The following CD244 variants were observed in gnomAD, a reference collection of about 807,000 sequenced individuals.
The protein encoded by CD244 is CD244 molecule, also known as natural killer cell receptor 2B4.
In CD244, 20 loss-of-function variants were observed where a neutral mutation model predicts 45.5. That is an observed-to-expected ratio of 0.44 (90% CI 0.31 to 0.64). The LOEUF is 0.64. CD244 is among the 30% of genes least tolerant of loss of function. The pLI is 0.08. For missense variants in CD244, 407 were observed against 426.9 expected, an observed-to-expected ratio of 0.95 and a Z score of 0.41; for synonymous variants, 185 against 160.5, an observed-to-expected ratio of 1.15 and a Z score of -1.15.
intron 1 of CD244, among the ~76,000 whole-genome samples, chr1:160,855,117 G>T (rs1349740234): frequency 6.6e-6 from 1 of 152,234 alleles, no homozygotes. Context: ...AGACTTGTTG[G>T]CAAGGTTGGT....
At chr1:160,835,184 C>A (rs1239342240) in intron 6 of CD244, among the ~76,000 whole-genome samples, 3 of 152,048 alleles carry the variant, frequency 2.0e-5, no homozygotes, top group African/African-American at 7.3e-5. Flanking sequence ...GATGTCCCAG[C>A]CTGGGTTATC....
At chr1:160,852,838 C>T (rs536802956) in intron 1 of CD244, among the ~76,000 whole-genome samples, 2 of 152,102 alleles carry the variant, frequency 1.3e-5, no homozygotes, top group East Asian at 3.9e-4. Flanking sequence ...GCCTGGCCAA[C>T]ATGGTGAAAC....
chr1:160,862,050 C>T (rs1049399935), intron 1 of CD244, among the ~76,000 whole-genome samples: 4 of 152,054 alleles, frequency 2.6e-5, no homozygotes, highest in African/African-American at 7.2e-5. Context: ...ATATTGTCTC[C>T]TTCTTCTGCC....
intron 1 of CD244, among the ~76,000 whole-genome samples, chr1:160,851,620 A>G (rs1235904277): frequency 2.6e-5 from 4 of 152,242 alleles, no homozygotes; most frequent in African/African-American, 4.8e-5. Context: ...TATCTTCTAC[A>G]TCTTGAGATA....
chr1:160,833,042 C>T (rs770851123), intron 7 of CD244, among the ~76,000 whole-genome samples: 15 of 151,912 alleles, frequency 9.9e-5, no homozygotes, highest in Admixed American at 2.0e-4. Context: ...ATCTCTTCAA[C>T]GCATGCATAC....
Position 160,841,229 on chromosome 1 carries a change from G to A in CD244, c.636C>T (p.Asp212=), listed in dbSNP as rs931516684. 3.1e-6 allele frequency: 5 copies of A among 1,614,094 alleles called. No individual in the cohort carries two copies. Among genetic ancestry groups the A allele is most frequent in the African/African-American group, 1.3e-5 (1 of 74,952 alleles). The change falls in exon 3 of 9, where the codon GAC becomes GAT. Residue 212 remains aspartate, a synonymous_variant. Coordinates refer to ENST00000368034, the MANE Select transcript of CD244 (RefSeq NM_016382.4). ...WESHTLNLTQ[D]CQNAHQEFRF... ...ACTTACCCTGATGGGCATTCTGACA[G>A]TCCTGAGTGAGATTCAGGGTGTGGC...
intron 8 of CD244, among the ~76,000 whole-genome samples, 195 bp from the exon 9 acceptor site, chr1:160,831,622 A>G (rs61120573): frequency 0.017 from 2,540 of 152,304 alleles, 69 homozygotes; most frequent in African/African-American, 0.058. Context: ...CTCCAATTCC[A>G]GTACTCTCTT....
At chr1:160,834,280 G>GTT (rs1197794490) in intron 6 of CD244, among the ~76,000 whole-genome samples, 164 bp from the exon 7 acceptor site, 2 of 152,212 alleles carry the variant, frequency 1.3e-5, no homozygotes, top group African/African-American at 4.8e-5. Context: ...CTGAGTGCTA[G>GTT]TCTCGCTCTG....
intron 1 of CD244, among the ~76,000 whole-genome samples, chr1:160,845,446 G>A (rs1346023742): frequency 6.6e-6 from 1 of 152,112 alleles, no homozygotes; most frequent in East Asian, 1.9e-4. Context: ...AAAGCAAGGA[G>A]ACGAGAGAGG....
At position 160,839,006 on chromosome 1, in the gene CD244, G is replaced by A. The variant is rs34984882; in HGVS notation, c.699C>T (p.Ser233=). The A allele has an allele frequency of 6.4e-3, 10,377 of 1,613,840 alleles. 228 individuals are homozygous for A. Among genetic ancestry groups the A allele is most frequent in the East Asian group, 0.059 (2,650 of 44,834 alleles). Residue 233 remains serine (S), a synonymous_variant, in exon 4 of 9, where the codon AGC becomes AGT. Transcript: ENST00000368034. The part of the protein sequence containing the change: ...WPFLVIIVIL[S]ALFLGTLACF... ...AGGCAAGGGTGCCAAGGAACAGTGC[G>A]CTTAGAATCACGATGATCACCAAAA...
rs755283775 is a variant in CD244 at position 160,830,526 on chromosome 1, A to T, written c.*821T>A. On this transcript the variant is annotated 3_prime_UTR_variant, in exon 9 of 9. Coordinates refer to ENST00000368034, the MANE Select transcript of CD244 (RefSeq NM_016382.4). ...CATCAGGACTCAGAACTTAAATAGA[A>T]CATGGTTTCTGAGAGGCCTCTTCCT... The T allele has an allele frequency of 3.3e-5, 5 of 152,338 alleles. No individual in the cohort carries two copies. The highest frequency in any genetic ancestry group is 7.3e-5 in the Non-Finnish European group (5 of 68,038). The allele number at this position is 152,338 out of a possible 1,614,324, so 9.4% of individuals were successfully genotyped here.
At chr1:160,836,882 T>C (rs1669353464) in intron 5 of CD244, among the ~76,000 whole-genome samples, 1 of 152,184 alleles carries the variant, frequency 6.6e-6, no homozygotes. Flanking sequence ...GCAGCAGGGT[T>C]CATTAGGCAA....
At chr1:160,843,168 CT>C (rs905631928) in intron 1 of CD244, among the ~76,000 whole-genome samples, 3 of 152,178 alleles carry the variant, frequency 2.0e-5, no homozygotes, top group African/African-American at 7.2e-5. Context: ...ACTTGTAATA[CT>C]ATTTGTTTGA....
intron 1 of CD244, among the ~76,000 whole-genome samples, chr1:160,854,927 C>G (rs1407685562): frequency 6.6e-6 from 1 of 152,186 alleles, no homozygotes; most frequent in Non-Finnish European, 1.5e-5. Flanking sequence ...AGAAAAGGAG[C>G]AGCTGAAGAA....
intron 7 of CD244, 30 bp downstream of exon 7, chr1:160,834,021 A>G: frequency 6.6e-7 from 1 of 1,524,200 alleles, no homozygotes; most frequent in Non-Finnish European, 9.1e-7. Context: ...CATCAACAAC[A>G]CCCCACCACC....
intron 1 of CD244, among the ~76,000 whole-genome samples, chr1:160,844,668 A>G (rs1669668462): frequency 6.6e-6 from 1 of 152,236 alleles, no homozygotes; most frequent in South Asian, 2.1e-4. Context: ...AACACAGCTA[A>G]GGCCATTCTA....
At chr1:160,836,096 C>T in intron 6 of CD244, 99 bp downstream of exon 6, 1 of 894,208 alleles carries the variant, frequency 1.1e-6, no homozygotes. Flanking sequence ...TCTAGAAGCA[C>T]CAAGATCTTA....
chr1:160,848,596 G>C (rs1486679568), intron 1 of CD244: 1 of 360,756 alleles, frequency 2.8e-6, no homozygotes, highest in Non-Finnish European at 5.3e-6. Flanking sequence ...AGAAGAATCT[G>C]AACAGACAGG....
chr1:160,855,717 C>T (rs1483104029), intron 1 of CD244, among the ~76,000 whole-genome samples: 2 of 152,216 alleles, frequency 1.3e-5, no homozygotes, highest in Non-Finnish European at 2.9e-5. Context: ...GTTGCTACTG[C>T]TCAGCAGCTT....
Sources: allele counts gnomAD v4.1 joint callset (sites outside exome capture counted in the v4.1 genomes callset), GRCh38; gene constraint gnomAD v4.1.1; transcripts MANE v1.5; gene names NCBI Gene and HGNC (gene_info 2026-07-23, HGNC 2026-07-21).